The following RNF7 variants were observed in gnomAD, a reference collection of about 807,000 sequenced individuals.
RNF7 encodes the protein RING-box protein 2.
Under a neutral mutation model 17.0 loss-of-function variants are expected in RNF7, and 9 were observed. The ratio of observed to expected loss-of-function variants is 0.53; its 90% CI spans 0.32 to 0.92. The LOEUF is 0.92. Among genes scored for constraint, RNF7 ranks in the 40% least tolerant of loss-of-function variants. The pLI is 0.04. For synonymous variants in RNF7, 59 were observed against 50.5 expected, an observed-to-expected ratio of 1.17 and a Z score of -0.72; for missense variants, 87 against 145.8, an observed-to-expected ratio of 0.60 and a Z score of 2.08.
intron 1 of RNF7, among the ~76,000 whole-genome samples, chr3:141,740,448 A>G (rs190400060): frequency 7.8e-4 from 119 of 152,328 alleles, no homozygotes; most frequent in African/African-American, 2.8e-3. Context: ...AGTATAGACT[A>G]TAAATGACAC....
intron 1 of RNF7, among the ~76,000 whole-genome samples, 156 bp from the exon 2 acceptor site, chr3:141,743,353 T>G (rs910974401): frequency 2.6e-5 from 4 of 152,188 alleles, no homozygotes; most frequent in African/African-American, 9.7e-5. Flanking sequence ...GCCTTGTACT[T>G]TATTCCTCTT....
chr3:141,738,562 GCCGACCTCGGGGT>G, intron 1 of RNF7, 46 bp downstream of exon 1: 1 of 1,543,864 alleles, frequency 6.5e-7, no homozygotes, highest in Non-Finnish European at 8.8e-7. Context: ...GCCTCCGGGA[GCCGACCTCGGGGT>G]TGGGAAGGGA....
intron 2 of RNF7, among the ~76,000 whole-genome samples, chr3:141,744,905 G>A (rs2084456420): frequency 6.6e-6 from 1 of 152,148 alleles, no homozygotes; most frequent in African/African-American, 2.4e-5. Context: ...ATGTGGAGCT[G>A]TGTAGGAACT....
At chr3:141,743,195 T>C (rs1461091722) in intron 1 of RNF7, among the ~76,000 whole-genome samples, 1 of 152,186 alleles carries the variant, frequency 6.6e-6, no homozygotes, top group Non-Finnish European at 1.5e-5. Context: ...AGTAAGCGTA[T>C]GGTAACTTTG....
Position 141,744,076 on chromosome 3 carries a change from A to G in RNF7, c.223+520A>G, listed in dbSNP as rs185809529. 2.2e-3 allele frequency among the ~76,000 whole-genome samples: 330 copies of G among 152,298 alleles called. 6 individuals are homozygous for G. The highest frequency in any genetic ancestry group is 0.019 in the Admixed American group (296 of 15,304). On this transcript the variant is annotated intron_variant, in intron 2 of 2. Coordinates refer to ENST00000273480, the MANE Select transcript of RNF7 (RefSeq NM_014245.5). ...TAGGCTAAATATTTTAGGCAGTTCA[A>G]AGATTTTTATGCCCTAGTTCTTGAG...
intron 1 of RNF7, among the ~76,000 whole-genome samples, chr3:141,739,514 A>G (rs959176116): frequency 1.3e-5 from 2 of 152,324 alleles, no homozygotes; most frequent in Non-Finnish European, 2.9e-5. Context: ...GACCCTCTTC[A>G]GTGGAATTCT....
At chr3:141,739,978 C>CCTGCCA (rs898074041) in intron 1 of RNF7, among the ~76,000 whole-genome samples, 11 of 152,242 alleles carry the variant, frequency 7.2e-5, no homozygotes, top group Admixed American at 3.9e-4. Context: ...GAGCCTTGTT[C>CCTGCCA]CTGCCACTGC....
At chr3:141,745,124 T>C in intron 2 of RNF7, 35 bp from the exon 3 acceptor site, 1 of 1,354,804 alleles carries the variant, frequency 7.4e-7, no homozygotes. Flanking sequence ...TAAATTGAAA[T>C]ATGTAATGTC....
Position 141,746,891 on chromosome 3 carries a change from T to C in RNF7, c.*1614T>C, listed in dbSNP as rs976214697. ...GTCTTTCTAGCTACTGAAAAAATTA[T>C]ACAAATATCTTTGGCCATTTAAATG... On this transcript the variant is annotated 3_prime_UTR_variant, in exon 3 of 3. Transcript: ENST00000273480. 1.3e-5 allele frequency: 2 copies of C among 152,258 alleles called. No individual in the cohort carries two copies. Among genetic ancestry groups the C allele is most frequent in the Admixed American group, 6.5e-5 (1 of 15,284 alleles). The allele number at this position is 152,258 out of a possible 1,614,324, so 9.4% of individuals were successfully genotyped here.
rs2107860232 is a variant in RNF7, at chr3:141,745,957, C to T, written c.*680C>T. 6.6e-6 allele frequency: 1 copy of T among 151,094 alleles called. No homozygotes were observed. Among genetic ancestry groups the T allele is most frequent in the East Asian group, 1.9e-4 (1 of 5,158 alleles). 9.4% of individuals were successfully genotyped at this position (151,094 alleles called of 1,614,324 possible). ...TAAAGGACAGAAGTATTTTCTAGTT[C>T]TGGTCAGATGATATAATTTTTTTTT... On this transcript the variant is annotated 3_prime_UTR_variant, in exon 3 of 3. Transcript: ENST00000273480.
intron 1 of RNF7, chr3:141,742,959 A>C (rs1050836902): frequency 7.2e-6 from 7 of 968,260 alleles, no homozygotes; most frequent in Admixed American, 5.1e-5. Context: ...TTTTTAATTT[A>C]ATTTTTTATA....
intron 1 of RNF7, 66 bp downstream of exon 1, chr3:141,738,582 G>A: frequency 1.3e-6 from 2 of 1,484,110 alleles, no homozygotes; most frequent in African/African-American, 1.4e-5. Context: ...GGGTTGGGAA[G>A]GGACGGGCGT....
At chr3:141,741,471 A>C (rs980677757) in intron 1 of RNF7, among the ~76,000 whole-genome samples, 4 of 152,234 alleles carry the variant, frequency 2.6e-5, no homozygotes, top group African/African-American at 9.6e-5. Context: ...AGGAGCAAAC[A>C]AATGCCTGAG....
At chr3:141,739,329 AAT>A (rs2107853810) in intron 1 of RNF7, among the ~76,000 whole-genome samples, 1 of 152,298 alleles carries the variant, frequency 6.6e-6, no homozygotes, top group South Asian at 2.1e-4. Context: ...CCCTCTTACA[AAT>A]ATGTCTTCTT....
intron 1 of RNF7, chr3:141,742,699 T>C (rs574085544): frequency 5.2e-5 from 64 of 1,220,374 alleles, no homozygotes; most frequent in Admixed American, 3.9e-4. Context: ...TAAATGCCAG[T>C]GAAATGGGAT....
Position 141,738,654 on chromosome 3 carries a change from C to T in RNF7, c.175+138C>T, listed in dbSNP as rs974769700. 1.7e-5 allele frequency: 16 copies of T among 936,260 alleles called. No individual in the cohort carries two copies. The African/African-American group carries it at 2.4e-4, about 14-fold the overall frequency. 58.0% of individuals were successfully genotyped at this position (936,260 alleles called of 1,614,324 possible). ...GTGGGTGGAGGTCGCCCTGCCCCGG[C>T]GCCGGAGGAACGCGGAGCCACGCTC... On this transcript the variant is annotated intron_variant, in intron 1 of 2. Coordinates refer to ENST00000273480, the MANE Select transcript of RNF7 (RefSeq NM_014245.5).
rs960803337 is a variant in RNF7, at chr3:141,742,742, G to C, written c.176-767G>C. The C allele has an allele frequency of 3.0e-5, 38 of 1,283,128 alleles. No homozygotes were observed. The African/African-American group carries it at 4.7e-4, about 16-fold the overall frequency. The allele number at this position is 1,283,128 out of a possible 1,614,324, so 79.5% of individuals were successfully genotyped here. On this transcript the variant is annotated intron_variant, in intron 1 of 2. Transcript: ENST00000273480. ...TAGATCTGGCTCCACAGCCCTCGCTGTCCCCTCTGTCTCACTGGCTTCTCA... is the reference window on the plus strand; with the variant it reads ...TAGATCTGGCTCCACAGCCCTCGCTCTCCCCTCTGTCTCACTGGCTTCTCA...
chr3:141,742,799 C>T (rs1468877856), intron 1 of RNF7: 4 of 1,254,644 alleles, frequency 3.2e-6, no homozygotes, highest in Non-Finnish European at 4.1e-6. Flanking sequence ...TCGGTAGCAA[C>T]CTATTGGAAG....
At position 141,738,527 on chromosome 3, in the gene RNF7, C is replaced by G. The variant is rs776863831; in HGVS notation, c.175+11C>G. 1 of 1,604,502 alleles carries G rather than the reference C, an allele frequency of 6.2e-7. No homozygotes were observed. The highest frequency in any genetic ancestry group is 2.3e-5 in the East Asian group (1 of 44,428). ...GGGTCCAGGTGATGGGTAAGCGCTG[C>G]ACGCGAGTCCAGGGCCGCCCTGCGG... On this transcript the variant is annotated intron_variant, in intron 1 of 2. Transcript: ENST00000273480.
Sources: allele counts gnomAD v4.1 joint callset (sites outside exome capture counted in the v4.1 genomes callset), GRCh38; gene constraint gnomAD v4.1.1; transcripts MANE v1.5; gene names NCBI Gene and HGNC (gene_info 2026-07-23, HGNC 2026-07-21).